Variants in SNX29 observed in about 807,000 individuals in gnomAD.
SNX29 encodes sorting nexin-29.
A neutral mutation model predicts 102.1 loss-of-function variants in SNX29; 78 were observed. That is an observed-to-expected ratio of 0.76 (90% CI 0.64 to 0.92). SNX29 has a LOEUF of 0.92. SNX29 is among the 40% of genes least tolerant of loss of function. The pLI is 0.00. For synonymous variants in SNX29, 580 were observed against 414.5 expected (o/e 1.40, Z -4.85); for missense variants, 1,280 against 1,061.7 (o/e 1.21, Z -2.86).
intron 11 of SNX29, among the ~76,000 whole-genome samples, chr16:12,126,150 C>G (rs1443981398): frequency 6.6e-6 from 1 of 152,358 alleles, no homozygotes; most frequent in East Asian, 1.9e-4. Context: ...GTTTAACCCA[C>G]TTGGGCTTGT....
intron 13 of SNX29, among the ~76,000 whole-genome samples, chr16:12,141,256 G>A (rs1047856485): frequency 2.6e-5 from 4 of 152,222 alleles, no homozygotes; most frequent in African/African-American, 4.8e-5. Flanking sequence ...GCCACAGGAC[G>A]ATTGAAGTGT....
intron 18 of SNX29, among the ~76,000 whole-genome samples, chr16:12,464,024 C>G (rs1597471096): frequency 6.6e-6 from 1 of 152,110 alleles, no homozygotes; most frequent in African/African-American, 2.4e-5. Context: ...ATCCATCCCC[C>G]CAGCCCCTGG....
chr16:12,515,721 C>T (rs911686449), intron 19 of SNX29: 1 of 429,666 alleles, frequency 2.3e-6, no homozygotes, highest in Non-Finnish European at 4.7e-6. Flanking sequence ...GATCTAAGCT[C>T]CGGAGGGCAG....
chr16:12,572,291 C>T lies in SNX29; in HGVS notation c.*3662C>T, dbSNP rs181402004. On this transcript the variant is annotated 3_prime_UTR_variant, in exon 21 of 21. Coordinates refer to ENST00000566228, the MANE Select transcript of SNX29 (RefSeq NM_032167.5). ...CTGATGCAACTAACAAGTACTGGGG[C>T]CAGTGATCACAATCCAGGTTGGAAA... The T allele has an allele frequency of 1.5e-4, 151 of 1,007,226 alleles. No individual in the cohort carries two copies. In the African/African-American group the frequency reaches 3.2e-3, roughly 21 times the overall value. 62.4% of individuals were successfully genotyped at this position (1,007,226 alleles called of 1,614,324 possible). A position where few individuals can be genotyped will look rare whatever the true frequency, so the allele number is the denominator to read the frequency against.
intron 19 of SNX29, among the ~76,000 whole-genome samples, chr16:12,522,882 T>C (rs2090152715): frequency 6.6e-6 from 1 of 152,198 alleles, no homozygotes; most frequent in Non-Finnish European, 1.5e-5. Flanking sequence ...GTGATCATAG[T>C]GCACCGTGCA....
At chr16:12,417,216 A>G (rs961458863) in intron 18 of SNX29, among the ~76,000 whole-genome samples, 1 of 152,230 alleles carries the variant, frequency 6.6e-6, no homozygotes, top group Non-Finnish European at 1.5e-5. Context: ...GCTAGTCTGC[A>G]GTGAAAATGC....
chr16:12,548,904 G>A (rs547821623), intron 20 of SNX29, among the ~76,000 whole-genome samples: 30 of 152,310 alleles, frequency 2.0e-4, no homozygotes, highest in Middle Eastern at 3.4e-3. Flanking sequence ...GCACTCACTC[G>A]GGCTGTAGGT....
intron 19 of SNX29, among the ~76,000 whole-genome samples, chr16:12,508,236 A>C (rs1424509775): frequency 2.0e-5 from 3 of 152,194 alleles, no homozygotes; most frequent in Non-Finnish European, 4.4e-5. Flanking sequence ...AGAATCGGCA[A>C]GGTCACGCAT....
intron 3 of SNX29, among the ~76,000 whole-genome samples, chr16:12,017,649 A>G (rs955214063): frequency 6.6e-6 from 1 of 152,034 alleles, no homozygotes; most frequent in East Asian, 1.9e-4. Flanking sequence ...TTTACTGTAA[A>G]CGTTTTCATT....
intron 14 of SNX29, among the ~76,000 whole-genome samples, chr16:12,229,844 A>G (rs967928630): frequency 6.6e-6 from 1 of 152,186 alleles, no homozygotes; most frequent in Non-Finnish European, 1.5e-5. Context: ...CAGGTAGCTC[A>G]GCTCTGTCTC....
intron 16 of SNX29, among the ~76,000 whole-genome samples, chr16:12,370,910 C>T (rs2082658309): frequency 6.6e-6 from 1 of 152,184 alleles, no homozygotes; most frequent in Admixed American, 6.5e-5. Flanking sequence ...AAAGCCAAGC[C>T]ATTGGCTCCC....
At chr16:12,269,630 A>C (rs982363715) in intron 14 of SNX29, among the ~76,000 whole-genome samples, 13 of 152,148 alleles carry the variant, frequency 8.5e-5, no homozygotes, top group African/African-American at 3.1e-4. Context: ...GCAAAATACA[A>C]ATTTCTGAAC....
chr16:12,224,422 G>A (rs1325337498), intron 14 of SNX29, among the ~76,000 whole-genome samples: 1 of 152,204 alleles, frequency 6.6e-6, no homozygotes, highest in Non-Finnish European at 1.5e-5. Context: ...GGGGCTCCCA[G>A]CCTGGAGAGG....
intron 1 of SNX29, among the ~76,000 whole-genome samples, chr16:11,995,662 A>G (rs1043033443): frequency 1.4e-4 from 22 of 151,918 alleles, no homozygotes; most frequent in Non-Finnish European, 3.1e-4. Flanking sequence ...AAAAAAAAAA[A>G]AAGACATCGA....
At chr16:12,208,115 G>A (rs2077091497) in intron 14 of SNX29, among the ~76,000 whole-genome samples, 1 of 152,196 alleles carries the variant, frequency 6.6e-6, no homozygotes, top group African/African-American at 2.4e-5. Context: ...TAAGAGCGGG[G>A]AGATGATTAT....
In SNX29 at chr16:12,574,095, A is replaced by G. The variant is rs1174851720; in HGVS notation, c.*5466A>G. On this transcript the variant is annotated 3_prime_UTR_variant, in exon 21 of 21. Transcript: ENST00000566228. ...GTGGAAACGCCCTGAAACCTGTAGTATTATCTTAACTACCCTCTTATGTTA... is the reference window on the plus strand; with the variant it reads ...GTGGAAACGCCCTGAAACCTGTAGTGTTATCTTAACTACCCTCTTATGTTA... 1 of 188,180 alleles carries G rather than the reference A, an allele frequency of 5.3e-6. No individual in the cohort carries two copies. Among genetic ancestry groups the G allele is most frequent in the African/African-American group, 2.3e-5 (1 of 42,834 alleles). 11.7% of individuals were successfully genotyped at this position (188,180 alleles called of 1,614,324 possible).
intron 14 of SNX29, among the ~76,000 whole-genome samples, chr16:12,208,834 A>G (rs1327455222): frequency 1.0e-5 from 1 of 97,024 alleles, no homozygotes; most frequent in Non-Finnish European, 2.5e-5. Flanking sequence ...GAGTGAGACC[A>G]TGTCTCTTTA....
chr16:12,541,034 T>A (rs181647865), intron 20 of SNX29, among the ~76,000 whole-genome samples: 1 of 152,200 alleles, frequency 6.6e-6, no homozygotes, highest in Non-Finnish European at 1.5e-5. Context: ...ACTGGTCATC[T>A]CTGTAGTCTG....
chr16:11,977,423 C>T (rs2055326743), intron 1 of SNX29: 1 of 152,996 alleles, frequency 6.5e-6, no homozygotes, highest in African/African-American at 2.4e-5. Context: ...ACCAGTTCTT[C>T]CCAGTTACCC....
Sources: allele counts gnomAD v4.1 joint callset (sites outside exome capture counted in the v4.1 genomes callset), GRCh38; gene constraint gnomAD v4.1.1; transcripts MANE v1.5; gene names NCBI Gene and HGNC (gene_info 2026-07-23, HGNC 2026-07-21).